NCALD: variants seen among roughly 807,000 people sequenced by gnomAD.
NCALD encodes neurocalcin delta, also known as neurocalcin-delta.
In NCALD, 10 loss-of-function variants were observed where a neutral mutation model predicts 18.6. That is an observed-to-expected ratio of 0.54 (90% confidence interval 0.33 to 0.91). The LOEUF (loss-of-function observed/expected upper bound fraction) is 0.91. NCALD is among the 40% of genes least tolerant of loss of function. The pLI is 0.03. For missense variants in NCALD, 184 were observed against 247.6 expected, an observed-to-expected ratio of 0.74 and a Z score of 1.72; for synonymous variants, 88 against 87.4, an observed-to-expected ratio of 1.01 and a Z score of -0.04.
At chr8:101,799,286 A>G (rs763253823) in intron 4 of NCALD, among the ~76,000 whole-genome samples, 5 of 152,224 alleles carry the variant, frequency 3.3e-5, no homozygotes, top group African/African-American at 4.8e-5. Flanking sequence ...ACACTACCAA[A>G]TGCCAGCAAG....
rs139377630 is a variant in NCALD, at chr8:101,900,555, C to T, written c.-106-13328G>A. 2.4e-3 allele frequency among the ~76,000 whole-genome samples: 359 copies of T among 151,990 alleles called. 3 individuals carry two copies. Among genetic ancestry groups the T allele is most frequent in the African/African-American group, 7.9e-3 (328 of 41,532 alleles). On this transcript the variant is annotated intron_variant, in intron 3 of 6. Coordinates refer to the NCALD transcript ENST00000311028. Reference sequence around the variant, plus strand: ...CACATAAATTTTGATGTTGTATTTTCATTTTCATTCACTTTAACGTATTTT... The same window carrying T: ...CACATAAATTTTGATGTTGTATTTTTATTTTCATTCACTTTAACGTATTTT...
chr8:101,985,178 C>T (rs558295635), intron 2 of NCALD, among the ~76,000 whole-genome samples: 2 of 152,308 alleles, frequency 1.3e-5, no homozygotes, highest in African/African-American at 4.8e-5. Context: ...GAGGGGTGCA[C>T]GTGGACAGAA....
chr8:102,008,761 G>T (rs1482346865), intron 2 of NCALD, among the ~76,000 whole-genome samples: 1 of 152,120 alleles, frequency 6.6e-6, no homozygotes, highest in Non-Finnish European at 1.5e-5. Flanking sequence ...GTCCAATTCA[G>T]TGTAGAAGTA....
At chr8:101,956,670 C>G (rs1196942980) in intron 2 of NCALD, among the ~76,000 whole-genome samples, 1 of 151,674 alleles carries the variant, frequency 6.6e-6, no homozygotes, top group African/African-American at 2.4e-5. Context: ...TACTCTGGAC[C>G]ATTAAATAAT....
intron 4 of NCALD, among the ~76,000 whole-genome samples, chr8:101,849,661 A>T (rs1815012512): frequency 6.6e-6 from 1 of 152,220 alleles, no homozygotes; most frequent in Admixed American, 6.5e-5. Context: ...ATAGGAACGG[A>T]AGTCTCCTGC....
chr8:101,752,186 A>T (rs550563209), intron 1 of NCALD, among the ~76,000 whole-genome samples: 3 of 152,230 alleles, frequency 2.0e-5, no homozygotes, highest in Middle Eastern at 3.4e-3. Flanking sequence ...ATTCATCCAT[A>T]AAAAATGCAA....
upstream of NCALD, chr8:102,124,351 T>G (rs1446461785): frequency 7.7e-6 from 1 of 130,072 alleles, no homozygotes; most frequent in Non-Finnish European, 1.7e-5. Context: ...CGCGCCCCCC[T>G]CCCCAGCCTG....
At chr8:101,825,094 C>G (rs1563803380) in intron 4 of NCALD, among the ~76,000 whole-genome samples, 1 of 152,226 alleles carries the variant, frequency 6.6e-6, no homozygotes, top group Non-Finnish European at 1.5e-5. Context: ...GTATATCCCA[C>G]CCTGCAGTGA....
At chr8:101,697,495 A>T (rs541382720) in intron 2 of NCALD, among the ~76,000 whole-genome samples, 28 of 152,322 alleles carry the variant, frequency 1.8e-4, no homozygotes, top group African/African-American at 6.5e-4. Flanking sequence ...ACAACAAAAA[A>T]AGAAAATTTC....
At chr8:101,855,660 T>C (rs1350793126) in intron 4 of NCALD, among the ~76,000 whole-genome samples, 2 of 152,138 alleles carry the variant, frequency 1.3e-5, no homozygotes, top group Non-Finnish European at 2.9e-5. Flanking sequence ...TTGACAGAGA[T>C]GCATCAGGGC....
chr8:101,864,976 G>A (rs1179550098), intron 4 of NCALD, among the ~76,000 whole-genome samples: 1 of 152,140 alleles, frequency 6.6e-6, no homozygotes, highest in Non-Finnish European at 1.5e-5. Context: ...ATTTGTTCAC[G>A]AGTTTATAAC....
At chr8:101,731,016 G>T (rs923940026) in intron 1 of NCALD, among the ~76,000 whole-genome samples, 1 of 152,160 alleles carries the variant, frequency 6.6e-6, no homozygotes, top group Admixed American at 6.5e-5. Flanking sequence ...AACGGGTGTC[G>T]GAGTTTTGAA....
At chr8:101,906,751 A>C (rs936742851) in intron 3 of NCALD, among the ~76,000 whole-genome samples, 7 of 152,230 alleles carry the variant, frequency 4.6e-5, no homozygotes, top group Admixed American at 3.3e-4. Context: ...TAAGGAGTGA[A>C]TATTTGAAGG....
intron 2 of NCALD, among the ~76,000 whole-genome samples, chr8:101,954,454 T>C (rs1819547564): frequency 6.6e-6 from 1 of 152,172 alleles, no homozygotes; most frequent in South Asian, 2.1e-4. Context: ...CCACCTCTCA[T>C]ACTTCTCCCC....
At chr8:101,960,097 G>A (rs1819782971) in intron 2 of NCALD, among the ~76,000 whole-genome samples, 1 of 152,146 alleles carries the variant, frequency 6.6e-6, no homozygotes, top group Admixed American at 6.5e-5. Context: ...TTTAGATGAT[G>A]CCATTTGCTA....
At chr8:101,780,122 CAT>C (rs1021102466) in intron 1 of NCALD, 2 of 152,100 alleles carry the variant, frequency 1.3e-5, no homozygotes, top group African/African-American at 4.8e-5. Flanking sequence ...CAACCATAAA[CAT>C]ATATTGATTC....
chr8:101,879,530 T>C (rs1183062530), intron 4 of NCALD, among the ~76,000 whole-genome samples: 1 of 152,126 alleles, frequency 6.6e-6, no homozygotes, highest in Non-Finnish European at 1.5e-5. Context: ...CAGCAAGAGC[T>C]GCAAAAGGGA....
chr8:101,720,454 A>G (rs1816299702), intron 1 of NCALD, among the ~76,000 whole-genome samples: 1 of 152,234 alleles, frequency 6.6e-6, no homozygotes, highest in Non-Finnish European at 1.5e-5. Context: ...ATCACTTCAA[A>G]TACTAACCCT....
At chr8:101,747,804 C>T (rs1169480709) in intron 1 of NCALD, among the ~76,000 whole-genome samples, 1 of 151,582 alleles carries the variant, frequency 6.6e-6, no homozygotes, top group Non-Finnish European at 1.5e-5. Flanking sequence ...CGCAACCTCT[C>T]CCTCCTGGGT....
Sources: allele counts gnomAD v4.1 joint callset (sites outside exome capture counted in the v4.1 genomes callset), GRCh38; gene constraint gnomAD v4.1.1; transcripts MANE v1.5; gene names NCBI Gene and HGNC (gene_info 2026-07-23, HGNC 2026-07-21).